Variants in PCDHGB3 observed in about 807,000 individuals in gnomAD.
PCDHGB3 encodes protocadherin gamma subfamily B, 3, also known as protocadherin gamma-B3.
A neutral mutation model predicts 59.2 loss-of-function variants in PCDHGB3; 40 were observed. That is an observed-to-expected ratio of 0.68 (90% confidence interval 0.52 to 0.88). The LOEUF (loss-of-function observed/expected upper bound fraction) is 0.88, where lower values mean the gene tolerates loss of function less well. Ranked by LOEUF, PCDHGB3 falls within the 40% of genes least tolerant of loss-of-function variation. The pLI, the probability that PCDHGB3 is intolerant of heterozygous loss-of-function variation, is 0.00. For synonymous variants in PCDHGB3, 581 were observed against 503.6 expected, an observed-to-expected ratio of 1.15 and a Z score of -2.06; for missense variants, 1,309 against 1,187.9, an observed-to-expected ratio of 1.10 and a Z score of -1.50.
chr5:141,431,828 C>T lies in PCDHGB3; in HGVS notation c.2415+59019C>T. The T allele has an allele frequency of 6.2e-7, 1 of 1,610,208 alleles. No individual in the cohort carries two copies. Among genetic ancestry groups the T allele is most frequent in the Non-Finnish European group, 8.5e-7 (1 of 1,176,374 alleles). On this transcript the variant is annotated intron_variant, in intron 1 of 3. Transcript: ENST00000576222. This position sits in a 1 kb window ranked among gnomAD's most constrained non-coding sequence, Gnocchi z 4.8. Reference sequence around the variant, plus strand: ...CCTCACCTCTCTCGCCAGCTCGGTTCCCGAAAACTCTCCCAGAGGGACATT... The same window carrying T: ...CCTCACCTCTCTCGCCAGCTCGGTTTCCGAAAACTCTCCCAGAGGGACATT...
At position 141,487,030 on chromosome 5, in the gene PCDHGB3, T is replaced by C. The variant is rs773121109; in HGVS notation, c.2416-7777T>C. Reference sequence around the variant, plus strand: ...TGGAGGCCCCAGATCCCAGCCTGTTTGCAGTCTCTCGATATGCTGGGGAGG... The same window carrying C: ...TGGAGGCCCCAGATCCCAGCCTGTTCGCAGTCTCTCGATATGCTGGGGAGG... On this transcript the variant is annotated intron_variant, in intron 1 of 3. Coordinates refer to ENST00000576222, the MANE Select transcript of PCDHGB3 (RefSeq NM_018924.5). The surrounding 1 kb of genome is among the most constrained non-coding windows in gnomAD (Gnocchi z 5.0). 12 of 1,614,100 alleles carry C rather than the reference T, an allele frequency of 7.4e-6. No homozygotes were observed. Among genetic ancestry groups the C allele is most frequent in the Non-Finnish European group, 1.0e-5 (12 of 1,180,044 alleles).
intron 1 of PCDHGB3, among the ~76,000 whole-genome samples, chr5:141,462,798 C>A (rs1458659959): frequency 6.6e-6 from 1 of 152,072 alleles, no homozygotes; most frequent in Non-Finnish European, 1.5e-5. Flanking sequence ...ATTTGCATGT[C>A]TAATAATGTT....
intron 1 of PCDHGB3, chr5:141,374,529 C>G: frequency 6.2e-7 from 1 of 1,613,042 alleles, no homozygotes; most frequent in East Asian, 2.2e-5. Flanking sequence ...GCAGCTCCAT[C>G]CTCTCGTTTT....
rs2097536640 is a variant in PCDHGB3 at position 141,432,779 on chromosome 5, G to C, written c.2415+59970G>C. 3 of 1,614,170 alleles carry C rather than the reference G, an allele frequency of 1.9e-6. No individual in the cohort carries two copies. The highest frequency in any genetic ancestry group is 2.5e-6 in the Non-Finnish European group (3 of 1,180,002). On this transcript the variant is annotated intron_variant, in intron 1 of 3. Coordinates refer to ENST00000576222, the MANE Select transcript of PCDHGB3 (RefSeq NM_018924.5). The surrounding 1 kb of genome is among the most constrained non-coding windows in gnomAD (Gnocchi z 6.0). Reference sequence around the variant, plus strand: ...CGACAGCATCCCCCAAGTCCTGGCGGACCTCGGCAGCCTCGAGTCTCCAGC... The same window carrying C: ...CGACAGCATCCCCCAAGTCCTGGCGCACCTCGGCAGCCTCGAGTCTCCAGC...
intron 1 of PCDHGB3, among the ~76,000 whole-genome samples, chr5:141,454,980 T>A (rs1049733405): frequency 9.3e-5 from 14 of 151,310 alleles, no homozygotes; most frequent in African/African-American, 2.4e-4. Context: ...GCTAATTTTT[T>A]AAAAAATATT....
chr5:141,372,918 G>C (rs1350578389), intron 1 of PCDHGB3, 109 bp downstream of exon 1: 1 of 1,022,894 alleles, frequency 9.8e-7, no homozygotes, highest in African/African-American at 1.6e-5. Context: ...TTATTTTATT[G>C]ATTTTCTGGT....
Position 141,491,401 on chromosome 5 carries a change from G to T in PCDHGB3, c.2416-3406G>T, listed in dbSNP as rs1442005704. ...GTCAGCGAAGTGCCTTCAGGGAAAC[G>T]CAGACGGGGACGGGGGTGGAGGGCA... On this transcript the variant is annotated intron_variant, in intron 1 of 3. Coordinates refer to ENST00000576222, the MANE Select transcript of PCDHGB3 (RefSeq NM_018924.5). The surrounding 1 kb of genome is among the most constrained non-coding windows in gnomAD (Gnocchi z 6.9). 1.2e-6 allele frequency: 2 copies of T among 1,614,102 alleles called. No homozygotes were observed. Among genetic ancestry groups the T allele is most frequent in the Non-Finnish European group, 1.7e-6 (2 of 1,179,990 alleles).
chr5:141,385,962 A>G (rs997092778), intron 1 of PCDHGB3: 1 of 152,264 alleles, frequency 6.6e-6, no homozygotes, highest in Admixed American at 6.5e-5. Context: ...ACTAAAGGCC[A>G]TCGGACAAAA....
chr5:141,387,571 T>C (rs1183327637), intron 1 of PCDHGB3: 2 of 474,240 alleles, frequency 4.2e-6, no homozygotes, highest in African/African-American at 2.0e-5. Flanking sequence ...ACAATTATAA[T>C]TATTGCACTG....
At chr5:141,459,891 CT>C (rs1405964049) in intron 1 of PCDHGB3, among the ~76,000 whole-genome samples, 1 of 152,158 alleles carries the variant, frequency 6.6e-6, no homozygotes, top group African/African-American at 2.4e-5. Flanking sequence ...TGAACGCCTT[CT>C]TAAAATTGAG....
Position 141,372,401 on chromosome 5 carries a change from A to G in PCDHGB3, c.2007A>G (p.Gln669=), listed in dbSNP as rs1248362001. The G allele has an allele frequency of 1.2e-6, 2 of 1,613,384 alleles. No individual in the cohort carries two copies. Among genetic ancestry groups the G allele is most frequent in the Admixed American group, 3.3e-5 (2 of 60,030 alleles). Residue 669 remains glutamine (Q), a synonymous_variant, in exon 1 of 4, where the codon CAA becomes CAG. Transcript: ENST00000576222. The part of the protein sequence containing the change: ...MLHLIFADSL[Q]EIQPDLSDRP... ...ACCTAATCTTCGCAGATAGCTTGCA[A>G]GAGATACAACCTGACCTTAGCGACC... is the stretch of plus-strand genomic sequence containing the variant.
chr5:141,427,161 G>A (rs1561826750), intron 1 of PCDHGB3: 1 of 456,698 alleles, frequency 2.2e-6, no homozygotes, highest in Non-Finnish European at 4.4e-6. Flanking sequence ...GTTTGTGCTA[G>A]ACCATCAAAA....
At chr5:141,470,112 G>T (rs1186184232) in intron 1 of PCDHGB3, among the ~76,000 whole-genome samples, 1 of 152,104 alleles carries the variant, frequency 6.6e-6, no homozygotes, top group Non-Finnish European at 1.5e-5. Flanking sequence ...CTGAGCAACA[G>T]AGCAAGACTT....
chr5:141,410,544 G>T, intron 1 of PCDHGB3: 1 of 1,613,640 alleles, frequency 6.2e-7, no homozygotes, highest in Non-Finnish European at 8.5e-7. Flanking sequence ...GACATGGTTT[G>T]CAGTGTTTCT....
intron 1 of PCDHGB3, chr5:141,430,760 A>C: frequency 1.3e-6 from 2 of 1,505,596 alleles, no homozygotes; most frequent in Non-Finnish European, 8.9e-7. Context: ...GAAGATAAGA[A>C]TGATTCCTGC....
At chr5:141,463,692 C>A (rs1482988660) in intron 1 of PCDHGB3, among the ~76,000 whole-genome samples, 2 of 151,934 alleles carry the variant, frequency 1.3e-5, no homozygotes, top group Non-Finnish European at 2.9e-5. Flanking sequence ...GTGATCTGCT[C>A]ACCTCGGCCT....
At chr5:141,481,762 GC>G (rs1307001837) in intron 1 of PCDHGB3, among the ~76,000 whole-genome samples, 1 of 152,126 alleles carries the variant, frequency 6.6e-6, no homozygotes, top group Admixed American at 6.5e-5. Context: ...GACCAGCCTG[GC>G]CAACATGGTG....
chr5:141,421,498 A>T (rs1303740754), intron 1 of PCDHGB3: 2 of 1,613,952 alleles, frequency 1.2e-6, no homozygotes, highest in African/African-American at 1.3e-5. Context: ...GGCAGGCAGG[A>T]TAGACCGGGA....
intron 1 of PCDHGB3, chr5:141,415,868 G>A: frequency 9.2e-7 from 1 of 1,090,360 alleles, no homozygotes; most frequent in Non-Finnish European, 1.2e-6. Flanking sequence ...TTATAGTGTT[G>A]TTGAGTACAA....
Sources: allele counts gnomAD v4.1 joint callset (sites outside exome capture counted in the v4.1 genomes callset), GRCh38; gene constraint gnomAD v4.1.1; non-coding constraint Gnocchi (gnomAD v3.1); transcripts MANE v1.5; gene names NCBI Gene and HGNC (gene_info 2026-07-23, HGNC 2026-07-21).